Variants in MGRN1 observed in about 807,000 individuals in gnomAD.
MGRN1 encodes the protein E3 ubiquitin-protein ligase MGRN1.
In MGRN1, 29 loss-of-function variants were observed where a neutral mutation model predicts 69.2. The observed-to-expected ratio is 0.42, with a 90% CI of 0.31 to 0.57. The LOEUF (loss-of-function observed/expected upper bound fraction) is 0.57. Ranked by LOEUF, MGRN1 falls within the 20% of genes least tolerant of loss-of-function variation. The probability of loss-of-function intolerance (pLI) is 0.15; values close to 1 mark genes in which losing one functional copy is unlikely to be tolerated. For synonymous variants in MGRN1, 470 were observed against 344.2 expected, an observed-to-expected ratio of 1.37 and a Z score of -4.04; for missense variants, 998 against 796.2, an observed-to-expected ratio of 1.25 and a Z score of -3.05.
intron 9 of MGRN1, among the ~76,000 whole-genome samples, chr16:4,672,137 C>G (rs1385233862): frequency 6.6e-6 from 1 of 152,202 alleles, no homozygotes; most frequent in African/African-American, 2.4e-5. Context: ...ATCTCCTGAC[C>G]TTGTGATCCA....
intron 1 of MGRN1, chr16:4,635,148 ACG>A (rs1449678441): frequency 6.6e-6 from 1 of 152,380 alleles, no homozygotes; most frequent in African/African-American, 2.4e-5. Context: ...GCAGGGGCTC[ACG>A]CCTGTAATCC....
rs376391281 is a variant in MGRN1 at position 4,652,757 on chromosome 16, G to A, written c.376G>A (p.Ala126Thr). The A allele has an allele frequency of 1.5e-4, 242 of 1,612,298 alleles. 1 individual carries two copies. The highest frequency in any genetic ancestry group is 2.8e-4 in the Admixed American group (17 of 59,806). The change falls in exon 4 of 17, where the codon GCC becomes ACC. Residue 126 changes from alanine (A) to threonine (T), a missense_variant. Physicochemically the swap from Ala to Thr is moderately conservative, Grantham distance 58. Transcript: ENST00000262370. ...VLYSLEFTFD[A>T]DARVAITIYC... is the part of the protein sequence containing the mutation. ...CTACAGCCTGGAGTTCACCTTCGAC[G>A]CCGATGCCCGCGTGGCCATCACCAT...
At chr16:4,644,745 C>A (rs2078239389) in intron 1 of MGRN1, among the ~76,000 whole-genome samples, 1 of 152,188 alleles carries the variant, frequency 6.6e-6, no homozygotes, top group South Asian at 2.1e-4. Flanking sequence ...ATTAATGATT[C>A]ATCACCTCAC....
At chr16:4,679,128 C>G (rs373745743) in intron 11 of MGRN1, among the ~76,000 whole-genome samples, 1 of 152,188 alleles carries the variant, frequency 6.6e-6, no homozygotes, top group Admixed American at 6.5e-5. Flanking sequence ...GGCTTTGATT[C>G]GGAAACGCTG....
intron 6 of MGRN1, 132 bp from the exon 7 acceptor site, chr16:4,664,970 A>G (rs944298603): frequency 4.1e-6 from 5 of 1,215,028 alleles, no homozygotes; most frequent in Non-Finnish European, 6.0e-6. Flanking sequence ...AGGTCCCAGA[A>G]CAGGCTCAGG....
Position 4,677,539 on chromosome 16 carries a change from C to T in MGRN1, c.1032C>T (p.Val344=). Reference sequence around the variant, plus strand: ...TGTCCCCCGTGTCCTTCAGCCCCGTCCTGGCCCAGAGCCTGGAGCATGATG... The same window carrying T: ...TGTCCCCCGTGTCCTTCAGCCCCGTTCTGGCCCAGAGCCTGGAGCATGATG... ...GALSPVSFSP[V]LAQSLEHDEH... Residue 344 remains valine (V), a synonymous_variant, in exon 11 of 17, where the codon GTC becomes GTT. Coordinates refer to ENST00000262370, the MANE Select transcript of MGRN1 (RefSeq NM_015246.4). 1 of 1,599,996 alleles carries T rather than the reference C, an allele frequency of 6.3e-7. No individual in the cohort carries two copies. The highest frequency in any genetic ancestry group is 8.5e-7 in the Non-Finnish European group (1 of 1,179,462).
chr16:4,671,299 G>A (rs752070220), intron 8 of MGRN1, 92 bp from the exon 9 acceptor site: 1 of 1,243,800 alleles, frequency 8.0e-7, no homozygotes, highest in East Asian at 2.3e-5. Flanking sequence ...TGGAAGCCTG[G>A]TAAGTTGGAG....
At chr16:4,659,509 C>T (rs2078627904) in intron 5 of MGRN1, among the ~76,000 whole-genome samples, 1 of 152,160 alleles carries the variant, frequency 6.6e-6, no homozygotes, top group African/African-American at 2.4e-5. Flanking sequence ...TGTTTAGGGC[C>T]CAGAGAGGGT....
In MGRN1 at chr16:4,676,477, C is replaced by T. The variant is rs145496893; in HGVS notation, c.956-986C>T. On this transcript the variant is annotated intron_variant, in intron 10 of 16. Transcript: ENST00000262370. Reference sequence around the variant, plus strand: ...GGTGTGTGGGGTCAGTGGGTCGGGGCCATCAGACTGGAGTTCAGAGCTCCC... The same window carrying T: ...GGTGTGTGGGGTCAGTGGGTCGGGGTCATCAGACTGGAGTTCAGAGCTCCC... Among the ~76,000 whole-genome samples, 601 of 152,254 alleles carry T rather than the reference C, an allele frequency of 3.9e-3. 2 individuals are homozygous for T. Among genetic ancestry groups the T allele is most frequent in the African/African-American group, 0.014 (571 of 41,552 alleles).
At chr16:4,673,115 G>A (rs1430706529) in intron 9 of MGRN1, among the ~76,000 whole-genome samples, 1 of 152,234 alleles carries the variant, frequency 6.6e-6, no homozygotes, top group African/African-American at 2.4e-5. Context: ...TGGGATTACA[G>A]GCGTGAGCCA....
At chr16:4,679,061 C>G (rs1174888416) in intron 11 of MGRN1, among the ~76,000 whole-genome samples, 1 of 152,222 alleles carries the variant, frequency 6.6e-6, no homozygotes. Context: ...CCCAGGCCCT[C>G]TAGGCCCCTA....
intron 11 of MGRN1, 124 bp downstream of exon 11, chr16:4,677,696 C>T (rs2079082966): frequency 1.2e-5 from 11 of 905,216 alleles, no homozygotes; most frequent in East Asian, 8.6e-5. Context: ...GCAGGCATGG[C>T]CCCCATGGAT....
intron 1 of MGRN1, among the ~76,000 whole-genome samples, chr16:4,625,711 C>A (rs1157778113): frequency 1.3e-5 from 2 of 152,228 alleles, no homozygotes; most frequent in Non-Finnish European, 2.9e-5. Flanking sequence ...ATAGTTGGGA[C>A]CGGGACCAGC....
chr16:4,636,913 A>G (rs909512816), intron 1 of MGRN1, among the ~76,000 whole-genome samples: 1 of 151,138 alleles, frequency 6.6e-6, no homozygotes, highest in Non-Finnish European at 1.5e-5. Flanking sequence ...AGGTCAGGAG[A>G]TCGAGACCAT....
intron 6 of MGRN1, 77 bp downstream of exon 6, chr16:4,664,852 G>C: frequency 6.4e-7 from 1 of 1,562,110 alleles, no homozygotes; most frequent in Non-Finnish European, 8.8e-7. Flanking sequence ...AGGAGTGCTT[G>C]CAGCAGTGAT....
intron 16 of MGRN1, among the ~76,000 whole-genome samples, chr16:4,685,091 G>T (rs1187833934): frequency 6.6e-6 from 1 of 152,264 alleles, no homozygotes; most frequent in Non-Finnish European, 1.5e-5. Context: ...ACAGCGGCCT[G>T]CCCCGAACAA....
chr16:4,642,466 TTGTGTGTGTGTGTG>T (rs143119735), intron 1 of MGRN1, among the ~76,000 whole-genome samples: 24 of 141,820 alleles, frequency 1.7e-4, no homozygotes, highest in African/African-American at 5.6e-4. Context: ...GCCAGCTAAT[TTGTGTGTGTGTGTG>T]TGTGTGTGTG....
intron 11 of MGRN1, 52 bp downstream of exon 11, chr16:4,677,624 T>C (rs1346359990): frequency 6.4e-7 from 1 of 1,552,988 alleles, no homozygotes; most frequent in Non-Finnish European, 8.8e-7. Context: ...CATGAGTGCC[T>C]GGGCCAGGCG....
Position 4,652,007 on chromosome 16 carries a change from G to T in MGRN1, c.252G>T (p.Leu84=). 3 of 1,614,052 alleles carry T rather than the reference G, an allele frequency of 1.9e-6. No homozygotes were observed. In the South Asian group the frequency reaches 3.3e-5, roughly 18 times the overall value. Residue 84 remains leucine, a synonymous_variant, in exon 3 of 17, where the codon CTG becomes CTT. Coordinates refer to ENST00000262370, the MANE Select transcript of MGRN1 (RefSeq NM_015246.4). ...TPAPHEPVKT[L]RSLVNIRKDS... ...CCCCCCACGAGCCCGTGAAGACGCT[G>T]CGGAGCCTGGTGAACATCCGCAAAG...
Sources: gnomAD v4.1 joint callset for allele counts (sites outside exome capture counted in the v4.1 genomes callset) on GRCh38, gnomAD v4.1.1 for gene constraint, MANE v1.5 for transcripts, NCBI Gene and HGNC (gene_info 2026-07-23, HGNC 2026-07-21) for gene names.